Variants in HYCC2 observed in about 807,000 individuals in gnomAD.
HYCC2 encodes the protein hyccin 2.
the HYCC2 span, among the ~76,000 whole-genome samples, chr2:201,046,820 A>C: frequency 9.2e-3 from 1,409 of 152,338 alleles, 12 homozygotes; most frequent in South Asian, 0.017. Context: ...CAATTTGTGC[A>C]ACAGAGAAAA....
At chr2:201,000,289 G>A in the HYCC2 span, among the ~76,000 whole-genome samples, 1 of 149,866 alleles carries the variant, frequency 6.7e-6, no homozygotes, top group Non-Finnish European at 1.5e-5. Flanking sequence ...CTTGAGCTCA[G>A]GAGGAGCACC....
the HYCC2 span, among the ~76,000 whole-genome samples, chr2:201,042,779 G>A: frequency 3.3e-5 from 5 of 150,112 alleles, no homozygotes; most frequent in African/African-American, 9.8e-5. Flanking sequence ...CTGGGAGGTG[G>A]GGGGCGCCTC....
chr2:200,983,266 T>A, the HYCC2 span, among the ~76,000 whole-genome samples: 4 of 152,176 alleles, frequency 2.6e-5, no homozygotes, highest in Non-Finnish European at 4.4e-5. Context: ...TTAATCTGAA[T>A]CTACAAAACA....
chr2:200,997,959 C>T, the HYCC2 span, among the ~76,000 whole-genome samples: 1 of 152,162 alleles, frequency 6.6e-6, no homozygotes, highest in African/African-American at 2.4e-5. Flanking sequence ...TTGCTTGAAC[C>T]CGGGAGGCGG....
chr2:200,980,992 G>A, the HYCC2 span: 1 of 467,222 alleles, frequency 2.1e-6, no homozygotes, highest in Non-Finnish European at 3.9e-6. Flanking sequence ...ACGATGGATT[G>A]CACATCACCC....
the HYCC2 span, among the ~76,000 whole-genome samples, chr2:201,038,986 C>A: frequency 2.0e-5 from 3 of 151,956 alleles, no homozygotes; most frequent in African/African-American, 4.8e-5. Flanking sequence ...GAACCACATG[C>A]CACTTTTTAA....
chr2:200,973,968 T>G, the HYCC2 span: 1 of 152,088 alleles, frequency 6.6e-6, no homozygotes, highest in Non-Finnish European at 1.5e-5. Flanking sequence ...ATTTCAACAA[T>G]CAACAGCATT....
the HYCC2 span, among the ~76,000 whole-genome samples, chr2:201,020,599 T>A: frequency 2.0e-5 from 3 of 151,900 alleles, no homozygotes; most frequent in African/African-American, 4.8e-5. Flanking sequence ...AGAGAAGGAA[T>A]AATTGCAGGA....
the HYCC2 span, among the ~76,000 whole-genome samples, chr2:201,045,745 C>G: frequency 7.9e-5 from 12 of 152,082 alleles, no homozygotes; most frequent in African/African-American, 2.9e-4. Context: ...AACTAGCATA[C>G]TTGTATACCT....
chr2:201,022,466 T>C, the HYCC2 span: 2 of 215,686 alleles, frequency 9.3e-6, no homozygotes, highest in East Asian at 1.3e-4. Flanking sequence ...AGTAAAATAA[T>C]TGTAAAAATA....
chr2:201,023,871 CATA>C, the HYCC2 span: 4 of 982,100 alleles, frequency 4.1e-6, no homozygotes, highest in East Asian at 2.4e-5. Context: ...CCATAGAGCA[CATA>C]ATGTTTCTCC....
chr2:200,989,566 A>G, the HYCC2 span, among the ~76,000 whole-genome samples: 1 of 152,182 alleles, frequency 6.6e-6, no homozygotes, highest in Non-Finnish European at 1.5e-5. Context: ...TAATCCCACC[A>G]CTTTGAGAGG....
the HYCC2 span, among the ~76,000 whole-genome samples, chr2:201,025,531 G>A: frequency 6.6e-6 from 1 of 152,110 alleles, no homozygotes. Context: ...TATTGACTAA[G>A]GAATCAAAAG....
At chr2:201,041,655 T>C in the HYCC2 span, among the ~76,000 whole-genome samples, 12 of 152,230 alleles carry the variant, frequency 7.9e-5, no homozygotes, top group African/African-American at 2.7e-4. Flanking sequence ...CATTACTTAC[T>C]AATTGTCCAT....
At chr2:200,991,929 T>C in the HYCC2 span, among the ~76,000 whole-genome samples, 1 of 151,472 alleles carries the variant, frequency 6.6e-6, no homozygotes, top group African/African-American at 2.4e-5. Context: ...AATTTAGGTG[T>C]TTATGTCGGG....
the HYCC2 span, among the ~76,000 whole-genome samples, chr2:201,047,013 A>C: frequency 3.3e-5 from 5 of 152,224 alleles, no homozygotes; most frequent in Non-Finnish European, 7.4e-5. Flanking sequence ...ACACACAAGG[A>C]CAATTATTTA....
At chr2:201,024,046 G>T in the HYCC2 span, 78 of 1,543,612 alleles carry the variant, frequency 5.1e-5, no homozygotes, top group Non-Finnish European at 6.4e-5. Flanking sequence ...ATCTCTAAAA[G>T]AAAAAAGTAT....
chr2:200,987,285 T>G, the HYCC2 span: 2 of 1,177,618 alleles, frequency 1.7e-6, no homozygotes, highest in African/African-American at 3.2e-5. Context: ...AATGGAAAGA[T>G]GCTCTGCTTG....
At chr2:200,991,772 T>C in the HYCC2 span, among the ~76,000 whole-genome samples, 16 of 150,950 alleles carry the variant, frequency 1.1e-4, no homozygotes, top group Non-Finnish European at 8.9e-5. Context: ...AAAAAACTGA[T>C]GGAATAGGCT....
Sources: gnomAD v4.1 joint callset for allele counts (sites outside exome capture counted in the v4.1 genomes callset) on GRCh38, gnomAD v4.1.1 for gene constraint, MANE v1.5 for transcripts, NCBI Gene and HGNC (gene_info 2026-07-23, HGNC 2026-07-21) for gene names.